The following ADGRL1 variants were observed in gnomAD, a reference collection of about 807,000 sequenced individuals.
ADGRL1 encodes CIRL-1.
In ADGRL1, 31 loss-of-function variants were observed where a neutral mutation model predicts 148.9. That is an observed-to-expected ratio of 0.21 (90% CI 0.16 to 0.28). ADGRL1 has a LOEUF of 0.28. Among genes scored for constraint, ADGRL1 ranks in the 10% least tolerant of loss-of-function variants. The probability of loss-of-function intolerance (pLI) is 1.00; values close to 1 mark genes in which losing one functional copy is unlikely to be tolerated. For synonymous variants in ADGRL1, 937 were observed against 900.3 expected, an observed-to-expected ratio of 1.04 and a Z score of -0.73; for missense variants, 1,521 against 2,058.8, an observed-to-expected ratio of 0.74 and a Z score of 5.05.
chr19:14,153,207 T>G (rs1162354782), intron 18 of ADGRL1, among the ~76,000 whole-genome samples: 1 of 152,206 alleles, frequency 6.6e-6, no homozygotes, highest in Non-Finnish European at 1.5e-5. Context: ...GCATCCGCTA[T>G]GTGCCAGGCA....
intron 1 of ADGRL1, among the ~76,000 whole-genome samples, chr19:14,190,505 G>T (rs559285875): frequency 2.6e-5 from 4 of 151,732 alleles, no homozygotes; most frequent in Non-Finnish European, 5.9e-5. Context: ...GGCGTCAAGC[G>T]ATGCTCCCGC....
chr19:14,150,258 G>GGAA lies in ADGRL1; in HGVS notation c.*612_*614dup, dbSNP rs1215083165. ...TGCGGGGCAGGGACCAAGAGCAAGG[G>GGAA]GAAAGGAGCTTCAGAGAAAGTTCAA... On this transcript the variant is annotated 3_prime_UTR_variant, in exon 23 of 23. Coordinates refer to ENST00000361434, the MANE Select transcript of ADGRL1 (RefSeq NM_014921.5). 1 of 152,898 alleles carries GGAA rather than the reference G, an allele frequency of 6.5e-6. No homozygotes were observed. The highest frequency in any genetic ancestry group is 1.5e-5 in the Non-Finnish European group (1 of 68,228). 9.5% of individuals were successfully genotyped at this position (152,898 alleles called of 1,614,324 possible). A position where few individuals can be genotyped will look rare whatever the true frequency, so the allele number is the denominator to read the frequency against.
In ADGRL1 at chr19:14,155,778, A is replaced by G. The variant is rs535534257; in HGVS notation, c.3126-251T>C. On this transcript the variant is annotated intron_variant, in intron 17 of 22. Transcript: ENST00000361434. The surrounding 1 kb of genome is among the most constrained non-coding windows in gnomAD (Gnocchi z 5.0). Reference sequence around the variant, plus strand: ...CATCAGTTATTCCTCTGCCAACTTCATTGTTTCTGCTAAATTTCCAGACCA... The same window carrying G: ...CATCAGTTATTCCTCTGCCAACTTCGTTGTTTCTGCTAAATTTCCAGACCA... 6.9e-6 allele frequency: 4 copies of G among 576,528 alleles called. No homozygotes were observed. In the Admixed American group the frequency reaches 9.3e-5, roughly 13 times the overall value. The allele number at this position is 576,528 out of a possible 1,614,324, so 35.7% of individuals were successfully genotyped here.
rs1555790240 is a variant in ADGRL1 at position 14,183,214 on chromosome 19, AGAGC to A, written c.70+315_70+318del. 2.2e-3 allele frequency among the ~76,000 whole-genome samples: 314 copies of A among 145,182 alleles called. 4 individuals carry two copies. The highest frequency in any genetic ancestry group is 0.015 in the South Asian group (65 of 4,324). ...ATCACAGAGAGAGAGAGAGAGAGAGAGAGCGAGAGAGAGACAGAGAGAGGAGCAT... is the reference window on the plus strand; with the variant it reads ...ATCACAGAGAGAGAGAGAGAGAGAGAGAGAGAGAGACAGAGAGAGGAGCAT... On this transcript the variant is annotated intron_variant, in intron 2 of 22. Coordinates refer to ENST00000361434, the MANE Select transcript of ADGRL1 (RefSeq NM_014921.5).
rs779104775 is a variant in ADGRL1 at position 14,170,698 on chromosome 19, G to A, written c.378C>T (p.Tyr126=). ...PGTYKYLEVQ[Y]DCVPYIFVCP... ...ATGACTCACTGTAGGGGACACAGTC[G>A]TACTGCACCTCCAGGTACTTGTAGG... The change falls in exon 4 of 23, where the codon TAC becomes TAT. Residue 126 remains tyrosine, a synonymous_variant. Transcript: ENST00000361434. 7 of 1,610,606 alleles carry A rather than the reference G, an allele frequency of 4.3e-6. No homozygotes were observed. Among genetic ancestry groups the A allele is most frequent in the East Asian group, 2.2e-5 (1 of 44,858 alleles).
In ADGRL1 at chr19:14,162,618, C is replaced by A; in HGVS notation, c.1183G>T (p.Asp395Tyr). ...VRYSLEFGPP[D>Y]PSAGPATSPP... ...GAGTCGTCCTCACCAGCACTGGGGT[C>A]GGGCGGCCCGAACTCCAGGCTGTAG... Residue 395 changes from aspartate (D) to tyrosine (Y), a missense_variant, in exon 5 of 23, where the codon GAC (aspartate) becomes TAC (tyrosine). By Grantham distance (160) the Asp-to-Tyr change is radical. Transcript: ENST00000361434. This position sits in a 1 kb window ranked among gnomAD's most constrained non-coding sequence, Gnocchi z 5.4. 1 of 1,605,362 alleles carries A rather than the reference C, an allele frequency of 6.2e-7. No homozygotes were observed. Among genetic ancestry groups the A allele is most frequent in the South Asian group, 1.1e-5 (1 of 90,418 alleles).
intron 18 of ADGRL1, among the ~76,000 whole-genome samples, chr19:14,153,990 G>A (rs1968480696): frequency 6.6e-6 from 1 of 151,742 alleles, no homozygotes; most frequent in Admixed American, 6.6e-5. Context: ...AAATAGATCA[G>A]AGGAGGCCTC....
At chr19:14,192,235 AT>A (rs869110470) in intron 1 of ADGRL1, among the ~76,000 whole-genome samples, 3 of 65,042 alleles carry the variant, frequency 4.6e-5, no homozygotes, top group African/African-American at 2.9e-4. Flanking sequence ...CCTTTATTTT[AT>A]TTTATTTATT....
chr19:14,165,091 C>A (rs1020832111), intron 4 of ADGRL1, among the ~76,000 whole-genome samples: 2 of 152,210 alleles, frequency 1.3e-5, no homozygotes, highest in African/African-American at 4.8e-5. Flanking sequence ...CATTCCCCAC[C>A]TCCAGCAGGC....
At chr19:14,199,994 A>G (rs968439786) in intron 1 of ADGRL1, among the ~76,000 whole-genome samples, 4 of 151,994 alleles carry the variant, frequency 2.6e-5, no homozygotes, top group Non-Finnish European at 5.9e-5. Context: ...TCGGCCTTCC[A>G]AAGTGCTGGG....
At position 14,161,230 on chromosome 19, in the gene ADGRL1, A is replaced by G; in HGVS notation, c.1510+82T>C. ...AGAAAACCTCTGCTCCGCAGTAGAG[A>G]CCCCCACCCACACATGCATCTGTGC... On this transcript the variant is annotated intron_variant, in intron 6 of 22. Coordinates refer to ENST00000361434, the MANE Select transcript of ADGRL1 (RefSeq NM_014921.5). This position sits in a 1 kb window ranked among gnomAD's most constrained non-coding sequence, Gnocchi z 4.4. 2 of 1,317,072 alleles carry G rather than the reference A, an allele frequency of 1.5e-6. No homozygotes were observed. Among genetic ancestry groups the G allele is most frequent in the Non-Finnish European group, 2.0e-6 (2 of 991,878 alleles). 81.6% of individuals were successfully genotyped at this position (1,317,072 alleles called of 1,614,324 possible).
At chr19:14,187,646 G>C (rs184828923) in intron 1 of ADGRL1, among the ~76,000 whole-genome samples, 36 of 145,760 alleles carry the variant, frequency 2.5e-4, no homozygotes, top group African/African-American at 7.6e-4. Context: ...ACTTTCAGAT[G>C]ATTTTACAGC....
At chr19:14,201,738 C>A (rs572525563) in intron 1 of ADGRL1, among the ~76,000 whole-genome samples, 4 of 152,110 alleles carry the variant, frequency 2.6e-5, no homozygotes, top group Non-Finnish European at 5.9e-5. Flanking sequence ...CTTGAACGCA[C>A]ACTGTGGGCC....
intron 1 of ADGRL1, among the ~76,000 whole-genome samples, chr19:14,188,101 A>AAAAT (rs910888840): frequency 1.1e-4 from 17 of 152,170 alleles, no homozygotes; most frequent in Non-Finnish European, 1.6e-4. Context: ...TCTCTTAATA[A>AAAAT]AAATAAATAA....
chr19:14,176,654 T>G (rs561007150), intron 3 of ADGRL1, among the ~76,000 whole-genome samples: 1 of 151,718 alleles, frequency 6.6e-6, no homozygotes, highest in Non-Finnish European at 1.5e-5. Flanking sequence ...CTGGGCAACA[T>G]AGCAAGACCC....
intron 18 of ADGRL1, among the ~76,000 whole-genome samples, chr19:14,153,322 T>TA (rs1378551237): frequency 6.6e-6 from 1 of 151,820 alleles, no homozygotes; most frequent in Non-Finnish European, 1.5e-5. Flanking sequence ...AAAATATAAA[T>TA]ATGCAAGCTG....
chr19:14,187,128 G>A (rs1971620912), intron 1 of ADGRL1, among the ~76,000 whole-genome samples: 1 of 152,198 alleles, frequency 6.6e-6, no homozygotes, highest in Non-Finnish European at 1.5e-5. Flanking sequence ...ACCAGAGGTG[G>A]GAGTTCGAGA....
chr19:14,200,313 C>T (rs1040676033), intron 1 of ADGRL1, among the ~76,000 whole-genome samples: 12 of 152,148 alleles, frequency 7.9e-5, no homozygotes, highest in Admixed American at 2.0e-4. Flanking sequence ...ACAGACTGTG[C>T]AGGACTCGCC....
intron 3 of ADGRL1, among the ~76,000 whole-genome samples, chr19:14,173,826 A>C (rs1385021232): frequency 1.3e-5 from 2 of 151,338 alleles, no homozygotes; most frequent in African/African-American, 4.9e-5. Flanking sequence ...GCATGCTTGT[A>C]GTCCCAGCCA....
Sources: gnomAD v4.1 joint callset for allele counts (sites outside exome capture counted in the v4.1 genomes callset) on GRCh38, gnomAD v4.1.1 for gene constraint, Gnocchi (gnomAD v3.1) non-coding constraint, MANE v1.5 for transcripts, NCBI Gene and HGNC (gene_info 2026-07-23, HGNC 2026-07-21) for gene names.